Variants in PDE10A observed in about 807,000 individuals in gnomAD.
The protein encoded by PDE10A is cAMP and cAMP-inhibited cGMP 3',5'-cyclic phosphodiesterase 10A.
PDE10A carries 39 observed loss-of-function variants against 97.7 expected under a neutral mutation model. The observed-to-expected ratio is 0.40, with a 90% CI of 0.31 to 0.52. The LOEUF (loss-of-function observed/expected upper bound fraction) is 0.52, where lower values mean the gene tolerates loss of function less well. Among genes scored for constraint, PDE10A ranks in the 20% least tolerant of loss-of-function variants. The pLI is 0.56. For synonymous variants in PDE10A, 371 were observed against 376.8 expected (o/e 0.98, Z 0.18); for missense variants, 731 against 1,047.8 (o/e 0.70, Z 4.17).
intron 10 of PDE10A, among the ~76,000 whole-genome samples, chr6:165,421,744 A>G (rs1788708059): frequency 1.3e-5 from 2 of 152,154 alleles, no homozygotes; most frequent in South Asian, 4.1e-4. Flanking sequence ...AAAAAAATCA[A>G]CTGACAAACA....
At chr6:165,678,720 TTCTC>T (rs1450968672) in intron 1 of PDE10A, among the ~76,000 whole-genome samples, 1 of 152,106 alleles carries the variant, frequency 6.6e-6, no homozygotes, top group Non-Finnish European at 1.5e-5. Context: ...CTCCCTCTCT[TTCTC>T]TCTTTGTACT....
chr6:165,958,460 A>AAAAG lies in PDE10A; in HGVS notation c.-615+29065_-615+29068dup, dbSNP rs58327980. ...AGCCTGGGCAACAAAGAGAGAAAAC[A>AAAAG]AAAGAAAGAAAGAAAGAAAGAGAGA... On this transcript the variant is annotated intron_variant, in intron 1 of 19. Transcript: ENST00000366882. Among the ~76,000 whole-genome samples, 70 of 117,650 alleles carry AAAAG rather than the reference A, an allele frequency of 5.9e-4. 1 individual carries two copies. Among genetic ancestry groups the AAAAG allele is most frequent in the Middle Eastern group, 4.5e-3 (1 of 224 alleles). The allele number at this position is 117,650 out of a possible 152,430, so 77.2% of individuals were successfully genotyped here.
intron 3 of PDE10A, among the ~76,000 whole-genome samples, chr6:165,473,876 C>G (rs1182416566): frequency 6.6e-6 from 1 of 152,144 alleles, no homozygotes; most frequent in African/African-American, 2.4e-5. Flanking sequence ...TAATAATTAT[C>G]TGGTCAGTGG....
At chr6:165,620,190 T>A (rs1172898671) in intron 1 of PDE10A, among the ~76,000 whole-genome samples, 1 of 152,192 alleles carries the variant, frequency 6.6e-6, no homozygotes, top group South Asian at 2.1e-4. Context: ...CCACGATACA[T>A]TTTGCAATAC....
intron 1 of PDE10A, among the ~76,000 whole-genome samples, chr6:165,924,687 G>A (rs907540209): frequency 2.0e-5 from 3 of 152,124 alleles, no homozygotes; most frequent in Non-Finnish European, 4.4e-5. Context: ...AGATTCCCCT[G>A]AAACAAAAAT....
At chr6:165,787,025 A>G (rs1778515845) in intron 1 of PDE10A, among the ~76,000 whole-genome samples, 1 of 152,164 alleles carries the variant, frequency 6.6e-6, no homozygotes, top group African/African-American at 2.4e-5. Flanking sequence ...CTTTAGCGGC[A>G]AATTATTCTC....
chr6:165,641,919 G>A (rs767483953), intron 1 of PDE10A, among the ~76,000 whole-genome samples: 6 of 152,314 alleles, frequency 3.9e-5, no homozygotes, highest in Admixed American at 6.5e-5. Context: ...CGGCAGCCCC[G>A]CAGCCTCTGT....
chr6:165,958,823 C>T (rs113467518), intron 1 of PDE10A, among the ~76,000 whole-genome samples: 3 of 152,332 alleles, frequency 2.0e-5, no homozygotes, highest in African/African-American at 7.2e-5. Context: ...CAATATCACT[C>T]ATCACTTTCA....
chr6:165,499,877 G>GA (rs1309532651), intron 2 of PDE10A, among the ~76,000 whole-genome samples: 1 of 151,928 alleles, frequency 6.6e-6, no homozygotes, highest in African/African-American at 2.4e-5. Context: ...AACACATAGG[G>GA]AAAAAAAGTC....
chr6:165,536,268 G>T (rs553652245), intron 2 of PDE10A, among the ~76,000 whole-genome samples: 1 of 151,966 alleles, frequency 6.6e-6, no homozygotes, highest in East Asian at 1.9e-4. Flanking sequence ...ATATGCAGAA[G>T]AATGATAAAG....
intron 18 of PDE10A, among the ~76,000 whole-genome samples, chr6:165,358,005 T>C (rs761348954): frequency 6.6e-6 from 1 of 152,138 alleles, no homozygotes; most frequent in Non-Finnish European, 1.5e-5. Flanking sequence ...GATTTTGATA[T>C]AGTTTGTTTT....
chr6:165,456,641 C>T (rs1268964608), intron 3 of PDE10A, among the ~76,000 whole-genome samples: 2 of 152,188 alleles, frequency 1.3e-5, no homozygotes, highest in African/African-American at 4.8e-5. Flanking sequence ...TTAGTTTTCT[C>T]ATTTGTATAA....
intron 1 of PDE10A, among the ~76,000 whole-genome samples, chr6:165,657,965 T>C (rs563950992): frequency 9.1e-4 from 139 of 152,250 alleles, no homozygotes; most frequent in Non-Finnish European, 1.8e-3. Context: ...TCCTTTGGGG[T>C]ACCTGTTATC....
At chr6:165,613,958 G>A (rs764318014) in intron 1 of PDE10A, among the ~76,000 whole-genome samples, 9 of 151,976 alleles carry the variant, frequency 5.9e-5, no homozygotes, top group Non-Finnish European at 8.8e-5. Context: ...TGACAGTCAC[G>A]CATCATTCAC....
At chr6:165,708,836 A>T (rs991640607) in intron 1 of PDE10A, among the ~76,000 whole-genome samples, 2 of 10,104 alleles carry the variant, frequency 2.0e-4, no homozygotes, top group Non-Finnish European at 3.4e-4. Flanking sequence ...TGCCACGCTC[A>T]CCCCCACTCT....
chr6:165,694,960 C>T (rs937256048), intron 1 of PDE10A, among the ~76,000 whole-genome samples: 1 of 152,198 alleles, frequency 6.6e-6, no homozygotes, highest in Non-Finnish European at 1.5e-5. Context: ...TCTCCTCTCT[C>T]CCGCCCCAGG....
At chr6:165,472,051 A>G (rs1480447460) in intron 3 of PDE10A, among the ~76,000 whole-genome samples, 1 of 152,156 alleles carries the variant, frequency 6.6e-6, no homozygotes, top group African/African-American at 2.4e-5. Context: ...TTTTCCTAGC[A>G]CACTTCATAT....
At chr6:165,458,571 C>T (rs1238881842) in intron 3 of PDE10A, among the ~76,000 whole-genome samples, 1 of 152,114 alleles carries the variant, frequency 6.6e-6, no homozygotes, top group African/African-American at 2.4e-5. Flanking sequence ...AACCAGGACA[C>T]TAAGGTTTAC....
At chr6:165,809,747 C>T (rs1261223248) in intron 1 of PDE10A, among the ~76,000 whole-genome samples, 1 of 152,170 alleles carries the variant, frequency 6.6e-6, no homozygotes, top group Admixed American at 6.5e-5. Flanking sequence ...CTGCATGGTC[C>T]CTTCCCAGCC....
Sources: allele counts gnomAD v4.1 joint callset (sites outside exome capture counted in the v4.1 genomes callset), GRCh38; gene constraint gnomAD v4.1.1; transcripts MANE v1.5; gene names NCBI Gene and HGNC (gene_info 2026-07-23, HGNC 2026-07-21).